The following LRMDA variants were observed in gnomAD, a reference collection of about 807,000 sequenced individuals.
LRMDA encodes the protein leucine-rich melanocyte differentiation-associated protein.
LRMDA carries 18 observed loss-of-function variants against 29.8 expected under a neutral mutation model. That is an observed-to-expected ratio of 0.60 (90% CI 0.42 to 0.90). LRMDA has a LOEUF of 0.90. Among genes scored for constraint, LRMDA ranks in the 40% least tolerant of loss-of-function variants. LRMDA has a pLI of 0.00. For synonymous variants in LRMDA, 125 were observed against 109.4 expected (o/e 1.14, Z -0.89); for missense variants, 273 against 273.9 (o/e 1.00, Z 0.02).
At chr10:75,438,515 G>A (rs939710644) in intron 2 of LRMDA, 21 bp downstream of exon 2, 1 of 1,543,156 alleles carries the variant, frequency 6.5e-7, no homozygotes, top group Non-Finnish European at 8.8e-7. Flanking sequence ...TTCACAAGAT[G>A]TAGGCCAGGC....
intron 5 of LRMDA, among the ~76,000 whole-genome samples, chr10:76,213,765 A>T (rs1851676661): frequency 6.6e-6 from 1 of 152,238 alleles, no homozygotes; most frequent in Non-Finnish European, 1.5e-5. Context: ...GCCAAGAAAA[A>T]GTTTTGTCCT....
intron 2 of LRMDA, among the ~76,000 whole-genome samples, chr10:75,841,611 G>T (rs946864165): frequency 6.6e-6 from 1 of 152,184 alleles, no homozygotes; most frequent in Non-Finnish European, 1.5e-5. Context: ...AGGTCTGGTG[G>T]TAACTTATGT....
chr10:75,507,732 C>T (rs1202064728), intron 2 of LRMDA, among the ~76,000 whole-genome samples: 1 of 152,178 alleles, frequency 6.6e-6, no homozygotes, highest in Non-Finnish European at 1.5e-5. Context: ...TCCAAACAAA[C>T]ACAGAATAGT....
chr10:75,918,857 G>A (rs1252162181), intron 2 of LRMDA, among the ~76,000 whole-genome samples: 2 of 152,186 alleles, frequency 1.3e-5, no homozygotes, highest in East Asian at 3.9e-4. Context: ...CGTTGATTGG[G>A]CACCAGTTAT....
chr10:75,494,772 A>T lies in LRMDA; in HGVS notation c.131+56278A>T, dbSNP rs148676148. ...CACCTTGGCCTCCCAGAGTGCTAGG[A>T]TTACAGGCGTGAGCCACCGTGCCTG... On this transcript the variant is annotated intron_variant, in intron 2 of 6. Transcript: ENST00000611255. Among the ~76,000 whole-genome samples, 531 of 152,198 alleles carry T rather than the reference A, an allele frequency of 3.5e-3. 4 individuals carry two copies. Among genetic ancestry groups the T allele is most frequent in the African/African-American group, 0.012 (486 of 41,530 alleles).
At chr10:76,546,222 C>G (rs190871203) in intron 6 of LRMDA, among the ~76,000 whole-genome samples, 1 of 152,080 alleles carries the variant, frequency 6.6e-6, no homozygotes, top group Non-Finnish European at 1.5e-5. Flanking sequence ...GATGCATGGG[C>G]GAAAGTCTAT....
intron 5 of LRMDA, among the ~76,000 whole-genome samples, chr10:76,313,504 G>C (rs1254034653): frequency 6.6e-6 from 1 of 152,104 alleles, no homozygotes; most frequent in East Asian, 1.9e-4. Flanking sequence ...TACAAATTGT[G>C]AATTAGTCAA....
chr10:76,474,614 A>T (rs1224808446), intron 6 of LRMDA, among the ~76,000 whole-genome samples: 1 of 151,752 alleles, frequency 6.6e-6, no homozygotes, highest in African/African-American at 2.4e-5. Context: ...GCCAATAAAC[A>T]CACCACCAGA....
chr10:76,100,874 A>AGAG (rs1413496275), intron 5 of LRMDA, among the ~76,000 whole-genome samples: 5 of 151,944 alleles, frequency 3.3e-5, no homozygotes, highest in Non-Finnish European at 5.9e-5. Context: ...GAGCACATAG[A>AGAG]GAGGTCCTTG....
chr10:76,350,090 G>A (rs1467212785), intron 6 of LRMDA, among the ~76,000 whole-genome samples: 1 of 151,686 alleles, frequency 6.6e-6, no homozygotes, highest in East Asian at 1.9e-4. Flanking sequence ...TTGTAAAAGG[G>A]TCCTTACATT....
At chr10:76,096,743 C>G (rs773300075) in intron 5 of LRMDA, among the ~76,000 whole-genome samples, 19 of 152,186 alleles carry the variant, frequency 1.2e-4, no homozygotes, top group Non-Finnish European at 2.4e-4. Context: ...TGGTATCTCT[C>G]TCTATTAATT....
rs374386428 is a variant in LRMDA, at chr10:76,490,563, C to T, written c.602-66646C>T. The stretch of plus-strand genomic sequence containing the variant: ...CTTTGTCTCTTCCTATAGTCTTTGT[C>T]TTGAAATCTATTTTGTCTAATATAA... On this transcript the variant is annotated intron_variant, in intron 6 of 6. Coordinates refer to ENST00000611255, the MANE Select transcript of LRMDA (RefSeq NM_001305581.2). Among the ~76,000 whole-genome samples, 483 of 152,026 alleles carry T rather than the reference C, an allele frequency of 3.2e-3. 28 individuals are homozygous for T. The South Asian group carries it at 0.095, about 30-fold the overall frequency.
chr10:75,791,790 G>A (rs1022205337), intron 2 of LRMDA, among the ~76,000 whole-genome samples: 12 of 151,570 alleles, frequency 7.9e-5, no homozygotes, highest in African/African-American at 2.2e-4. Context: ...TGATCTGACC[G>A]CTTGCTAAAT....
At chr10:76,127,230 T>C (rs1053970902) in intron 5 of LRMDA, among the ~76,000 whole-genome samples, 1 of 152,228 alleles carries the variant, frequency 6.6e-6, no homozygotes, top group Non-Finnish European at 1.5e-5. Context: ...TCTCATTATT[T>C]AAATACCATC....
At chr10:75,496,496 A>G (rs1308065162) in intron 2 of LRMDA, among the ~76,000 whole-genome samples, 11 of 152,220 alleles carry the variant, frequency 7.2e-5, no homozygotes, top group African/African-American at 1.4e-4. Context: ...AAACTTGAAA[A>G]CTTGAGCAAT....
chr10:76,454,830 G>A (rs1842441405), intron 6 of LRMDA, among the ~76,000 whole-genome samples: 1 of 152,198 alleles, frequency 6.6e-6, no homozygotes, highest in Non-Finnish European at 1.5e-5. Flanking sequence ...AAGAGGGTTA[G>A]GGATGTTGAG....
At chr10:75,831,212 A>T (rs1206442724) in intron 2 of LRMDA, among the ~76,000 whole-genome samples, 1 of 152,014 alleles carries the variant, frequency 6.6e-6, no homozygotes, top group African/African-American at 2.4e-5. Context: ...CGCCAGGCTA[A>T]TTTTTTTCAT....
At chr10:75,499,009 G>C (rs1226393200) in intron 2 of LRMDA, among the ~76,000 whole-genome samples, 1 of 152,094 alleles carries the variant, frequency 6.6e-6, no homozygotes, top group Non-Finnish European at 1.5e-5. Context: ...CAGGTGAGAA[G>C]GTGCTGATCT....
chr10:76,172,775 G>A (rs1003982437), intron 5 of LRMDA, among the ~76,000 whole-genome samples: 9 of 152,316 alleles, frequency 5.9e-5, no homozygotes, highest in African/African-American at 2.2e-4. Context: ...AAAGAGTGCT[G>A]TGGTCCTGCC....
Sources: gnomAD v4.1 joint callset for allele counts (sites outside exome capture counted in the v4.1 genomes callset) on GRCh38, gnomAD v4.1.1 for gene constraint, MANE v1.5 for transcripts, NCBI Gene and HGNC (gene_info 2026-07-23, HGNC 2026-07-21) for gene names.